The following ZC2HC1B variants were observed in gnomAD, a reference collection of about 807,000 sequenced individuals.
The protein encoded by ZC2HC1B is zinc finger C2HC-type containing 1B.
Under a neutral mutation model 31.0 loss-of-function variants are expected in ZC2HC1B, and 36 were observed. The observed-to-expected ratio is 1.16, with a 90% CI of 0.89 to 1.54. ZC2HC1B has a LOEUF of 1.54. ZC2HC1B is among the 40% of genes most tolerant of loss of function. ZC2HC1B has a pLI of 0.00. For synonymous variants in ZC2HC1B, 73 were observed against 88.0 expected, an observed-to-expected ratio of 0.83 and a Z score of 0.95; for missense variants, 260 against 268.6, an observed-to-expected ratio of 0.97 and a Z score of 0.22.
chr6:143,874,192 CAA>C (rs145063820), intron 1 of ZC2HC1B, among the ~76,000 whole-genome samples: 3,073 of 152,224 alleles, frequency 0.02, 126 homozygotes, highest in African/African-American at 0.071. Context: ...TAAAAAATAA[CAA>C]GAGTCACCCT....
intron 6 of ZC2HC1B, among the ~76,000 whole-genome samples, chr6:143,935,644 C>CTAT (rs1255795364): frequency 2.4e-5 from 2 of 81,682 alleles, no homozygotes; most frequent in East Asian, 3.3e-4. Context: ...CTTGGTATCA[C>CTAT]TCTTTTTTTT....
rs1554237237 is a variant in ZC2HC1B, at chr6:143,882,334, T to TTTATATA, written c.29-1969_29-1968insTATATAT. Among the ~76,000 whole-genome samples the TTTATATA allele has an allele frequency of 4.6e-3, 392 of 85,512 alleles. 2 individuals carry two copies. Among genetic ancestry groups the TTTATATA allele is most frequent in the Middle Eastern group, 0.025 (4 of 160 alleles). 56.1% of individuals were successfully genotyped at this position (85,512 alleles called of 152,430 possible). A position where few individuals can be genotyped will look rare whatever the true frequency, so the allele number is the denominator to read the frequency against. ...AATATGTATACATATTTTATATTTTTTATATATATATATATATATATATAT... is the reference window on the plus strand; with the variant it reads ...AATATGTATACATATTTTATATTTTTTTATATATATATATATATATATATATATATAT... On this transcript the variant is annotated intron_variant, in intron 1 of 7. Coordinates refer to ENST00000237275, the MANE Select transcript of ZC2HC1B (RefSeq NM_001013623.3).
At chr6:143,882,335 TATATATA>T (rs1294594519) in intron 1 of ZC2HC1B, among the ~76,000 whole-genome samples, 2 of 48,214 alleles carry the variant, frequency 4.1e-5, no homozygotes, top group East Asian at 1.5e-3. Context: ...TTATATTTTT[TATATATA>T]TATATATATA....
intron 1 of ZC2HC1B, among the ~76,000 whole-genome samples, chr6:143,882,147 T>C (rs535694322): frequency 1.3e-5 from 2 of 151,788 alleles, no homozygotes; most frequent in African/African-American, 2.4e-5. Context: ...CCCTGTCTTA[T>C]AGGGTCACTG....
rs2128496990 is a variant in ZC2HC1B, at chr6:143,922,249, T to A, written c.599-15400T>A. On this transcript the variant is annotated intron_variant, in intron 6 of 7. Transcript: ENST00000237275. This position sits in a 1 kb window ranked among gnomAD's most constrained non-coding sequence, Gnocchi z 5.0. ...TACATGTGGTATTTTGATACATGAA[T>A]AAAATGTGTAATGATCAAATCAGGG... Among the ~76,000 whole-genome samples the A allele has an allele frequency of 6.6e-6, 1 of 152,342 alleles. No individual in the cohort carries two copies.
At chr6:143,880,651 A>G (rs975807955) in intron 1 of ZC2HC1B, among the ~76,000 whole-genome samples, 33 of 152,138 alleles carry the variant, frequency 2.2e-4, no homozygotes, top group Non-Finnish European at 1.0e-4. Context: ...TATGGCCTTC[A>G]TCGAAAGTAT....
chr6:143,920,439 G>T (rs1053781430), intron 6 of ZC2HC1B, among the ~76,000 whole-genome samples: 7 of 152,172 alleles, frequency 4.6e-5, no homozygotes, highest in Non-Finnish European at 7.4e-5. Context: ...GGAATCAAAA[G>T]TCCTGTGTCC....
intron 1 of ZC2HC1B, among the ~76,000 whole-genome samples, chr6:143,864,912 T>A (rs1231430347): frequency 2.0e-5 from 3 of 152,228 alleles, no homozygotes; most frequent in Admixed American, 6.5e-5. Flanking sequence ...TTGATAGCTG[T>A]CTCAACTGAA....
intron 1 of ZC2HC1B, among the ~76,000 whole-genome samples, chr6:143,881,412 G>T (rs1004276335): frequency 6.6e-6 from 1 of 151,874 alleles, no homozygotes; most frequent in Admixed American, 6.6e-5. Flanking sequence ...CTAGCTGGGT[G>T]TGGTGGCACA....
At chr6:143,919,845 T>C (rs920625668) in intron 6 of ZC2HC1B, among the ~76,000 whole-genome samples, 3 of 152,144 alleles carry the variant, frequency 2.0e-5, no homozygotes, top group African/African-American at 7.2e-5. Context: ...AAAATAGTTA[T>C]ATGGGACACA....
In ZC2HC1B at chr6:143,918,984, C is replaced by T. The variant is rs747735588; in HGVS notation, c.598+15832C>T. On this transcript the variant is annotated intron_variant, in intron 6 of 7. Transcript: ENST00000237275. The surrounding 1 kb of genome is among the most constrained non-coding windows in gnomAD (Gnocchi z 4.1). ...AGTCTCTTCACATCTTTTTTTAGTT[C>T]CCTGAGCATCTTCAGTTGTTTAAAA... Among the ~76,000 whole-genome samples, 45 of 151,728 alleles carry T rather than the reference C, an allele frequency of 3.0e-4. No individual in the cohort carries two copies. The highest frequency in any genetic ancestry group is 5.2e-4 in the Non-Finnish European group (35 of 67,960).
chr6:143,875,838 C>T (rs7773847), intron 1 of ZC2HC1B, among the ~76,000 whole-genome samples: 2,175 of 150,654 alleles, frequency 0.014, 178 homozygotes, highest in African/African-American at 0.051. Context: ...TTTATCTCCT[C>T]AGACAAAGGT....
At chr6:143,907,219 G>A (rs955961819) in intron 6 of ZC2HC1B, among the ~76,000 whole-genome samples, 1 of 152,080 alleles carries the variant, frequency 6.6e-6, no homozygotes, top group Admixed American at 6.6e-5. Context: ...CTTTGCTATT[G>A]TGAATAGTGC....
chr6:143,870,505 C>G lies in ZC2HC1B; in HGVS notation c.28+5938C>G, dbSNP rs753353710. ...TGTAACTTACTTGTGCCTTTAGGAC[C>G]TGCTTGAGTCCAATCATGTATATAC... On this transcript the variant is annotated intron_variant, in intron 1 of 7. Coordinates refer to ENST00000237275, the MANE Select transcript of ZC2HC1B (RefSeq NM_001013623.3). The surrounding 1 kb of genome is among the most constrained non-coding windows in gnomAD (Gnocchi z 4.7). 6.6e-6 allele frequency among the ~76,000 whole-genome samples: 1 copy of G among 152,158 alleles called. No homozygotes were observed. Among genetic ancestry groups the G allele is most frequent in the African/African-American group, 2.4e-5 (1 of 41,428 alleles).
chr6:143,886,261 A>ACATT lies in ZC2HC1B; in HGVS notation c.210+110_210+111insCATT. 2 of 1,167,714 alleles carry ACATT rather than the reference A, an allele frequency of 1.7e-6. No individual in the cohort carries two copies. Among genetic ancestry groups the ACATT allele is most frequent in the Non-Finnish European group, 2.2e-6 (2 of 902,876 alleles). 72.3% of individuals were successfully genotyped at this position (1,167,714 alleles called of 1,614,324 possible). ...GCTTGATAATACAGTAATGTAATGT[A>ACATT]ACTGTAATCCACCTTTACTTTTTTC... On this transcript the variant is annotated intron_variant, in intron 3 of 7. Coordinates refer to ENST00000237275, the MANE Select transcript of ZC2HC1B (RefSeq NM_001013623.3). This position sits in a 1 kb window ranked among gnomAD's most constrained non-coding sequence, Gnocchi z 4.2.
chr6:143,885,907 T>TA lies in ZC2HC1B; in HGVS notation c.91-124dup. ...ATGGATTTGCTCTGCTGTGACCTGT[T>TA]AGAGAATGAACTAGGCTCTGAGGAG... On this transcript the variant is annotated intron_variant, in intron 2 of 7. Transcript: ENST00000237275. The surrounding 1 kb of genome is among the most constrained non-coding windows in gnomAD (Gnocchi z 4.2). 1 of 1,093,988 alleles carries TA rather than the reference T, an allele frequency of 9.1e-7. No homozygotes were observed. 67.8% of individuals were successfully genotyped at this position (1,093,988 alleles called of 1,614,324 possible).
chr6:143,892,511 T>C (rs1380290863), intron 4 of ZC2HC1B, among the ~76,000 whole-genome samples: 1 of 152,180 alleles, frequency 6.6e-6, no homozygotes, highest in Non-Finnish European at 1.5e-5. Context: ...TTGCCCAGGC[T>C]GGTCTTGAAT....
intron 4 of ZC2HC1B, 107 bp from the exon 5 acceptor site, chr6:143,898,445 G>C (rs146079645): frequency 7.4e-7 from 1 of 1,349,878 alleles, no homozygotes; most frequent in Non-Finnish European, 1.0e-6. Flanking sequence ...ACTGGCATGA[G>C]CCATCATATC....
At chr6:143,937,846 G>T in intron 7 of ZC2HC1B, 113 bp downstream of exon 7, 2 of 719,542 alleles carry the variant, frequency 2.8e-6, no homozygotes, top group African/African-American at 1.8e-5. Flanking sequence ...CTCCAAGTTG[G>T]GTTAACAAAA....
Sources: allele counts gnomAD v4.1 joint callset (sites outside exome capture counted in the v4.1 genomes callset), GRCh38; gene constraint gnomAD v4.1.1; non-coding constraint Gnocchi (gnomAD v3.1); transcripts MANE v1.5; gene names NCBI Gene and HGNC (gene_info 2026-07-23, HGNC 2026-07-21).